The following DLG2 variants were observed in gnomAD, a reference collection of about 807,000 sequenced individuals.
DLG2 encodes the protein disks large homolog 2.
A neutral mutation model predicts 132.5 loss-of-function variants in DLG2; 45 were observed. That is an observed-to-expected ratio of 0.34 (90% CI 0.27 to 0.44). DLG2 has a LOEUF of 0.44. Ranked by LOEUF, DLG2 falls within the 20% of genes least tolerant of loss-of-function variation. The pLI, the probability that DLG2 is intolerant of heterozygous loss-of-function variation, is 1.00. For synonymous variants in DLG2, 424 were observed against 419.6 expected (o/e 1.01, Z -0.13); for missense variants, 1,045 against 1,196.9 (o/e 0.87, Z 1.87).
intron 3 of DLG2, among the ~76,000 whole-genome samples, chr11:85,566,461 G>A (rs1397992866): frequency 6.6e-6 from 1 of 152,082 alleles, no homozygotes; most frequent in Non-Finnish European, 1.5e-5. Flanking sequence ...CCATAGACTG[G>A]GTGGCTTAAA....
chr11:84,465,137 C>G (rs552353142), intron 7 of DLG2, among the ~76,000 whole-genome samples: 2 of 151,306 alleles, frequency 1.3e-5, no homozygotes, highest in East Asian at 3.9e-4. Flanking sequence ...CATGGCTCCA[C>G]AGCAGGACAT....
At chr11:84,211,717 A>G (rs1038353553) in intron 8 of DLG2, among the ~76,000 whole-genome samples, 2 of 152,254 alleles carry the variant, frequency 1.3e-5, no homozygotes, top group Non-Finnish European at 2.9e-5. Context: ...AACTATGTTT[A>G]AAACTATTTT....
chr11:83,651,354 A>G (rs2070341178), intron 18 of DLG2, among the ~76,000 whole-genome samples: 1 of 152,242 alleles, frequency 6.6e-6, no homozygotes. Context: ...ACCATTGTGA[A>G]GATAAATAAG....
At chr11:83,474,934 T>C (rs1416605230) in intron 22 of DLG2, among the ~76,000 whole-genome samples, 1 of 152,158 alleles carries the variant, frequency 6.6e-6, no homozygotes, top group African/African-American at 2.4e-5. Flanking sequence ...TTCAGACAAC[T>C]AGGGCAAAGC....
At chr11:85,016,569 C>A (rs187555462) in intron 6 of DLG2, among the ~76,000 whole-genome samples, 1 of 152,074 alleles carries the variant, frequency 6.6e-6, no homozygotes, top group South Asian at 2.1e-4. Context: ...TGCATCTGGT[C>A]TCTCTCAACT....
intron 6 of DLG2, among the ~76,000 whole-genome samples, chr11:84,965,335 G>A (rs1015028659): frequency 2.0e-5 from 3 of 151,906 alleles, no homozygotes; most frequent in South Asian, 2.1e-4. Flanking sequence ...GATATCAAAT[G>A]TTCTCTTTAG....
intron 17 of DLG2, among the ~76,000 whole-genome samples, chr11:83,832,940 G>T (rs1488440496): frequency 2.0e-5 from 3 of 152,106 alleles, no homozygotes; most frequent in African/African-American, 7.2e-5. Context: ...AAGGTACAGT[G>T]TTTAGAGTAT....
intron 11 of DLG2, among the ~76,000 whole-genome samples, chr11:84,036,384 G>A (rs2095863524): frequency 6.7e-6 from 1 of 149,296 alleles, no homozygotes; most frequent in Admixed American, 6.8e-5. Flanking sequence ...TGAGAAACAA[G>A]GAAAAACAAG....
intron 6 of DLG2, among the ~76,000 whole-genome samples, chr11:84,703,590 T>G (rs1262033673): frequency 6.6e-6 from 1 of 151,348 alleles, no homozygotes; most frequent in Admixed American, 6.6e-5. Context: ...CACTAAACTA[T>G]AGTTTTCTCA....
At chr11:84,943,773 G>C (rs1256689628) in intron 6 of DLG2, among the ~76,000 whole-genome samples, 2 of 152,032 alleles carry the variant, frequency 1.3e-5, no homozygotes, top group African/African-American at 4.8e-5. Context: ...TGAATAGTTT[G>C]TATACCATAA....
intron 19 of DLG2, among the ~76,000 whole-genome samples, chr11:83,566,356 A>G (rs1265166563): frequency 6.6e-6 from 1 of 152,150 alleles, no homozygotes; most frequent in East Asian, 1.9e-4. Flanking sequence ...AATTCTGCCC[A>G]TCTAATCCCA....
intron 6 of DLG2, among the ~76,000 whole-genome samples, chr11:85,054,349 T>C (rs138942575): frequency 6.6e-6 from 1 of 151,622 alleles, no homozygotes; most frequent in Non-Finnish European, 1.5e-5. Flanking sequence ...AGAATGGCTA[T>C]TATTAAAAAG....
rs7952691 is a variant in DLG2, at chr11:84,231,146, C to A, written c.573+20092G>T. On this transcript the variant is annotated intron_variant, in intron 8 of 27. Transcript: ENST00000376104. ...GTGTCCTTAAAGGTGAAGAGCACAA[C>A]CTTCTTATTGTCCCTTCTTACTTCC... Among the ~76,000 whole-genome samples the A allele has an allele frequency of 9.9e-4, 150 of 152,264 alleles. 1 individual carries two copies. The highest frequency in any genetic ancestry group is 3.4e-3 in the Middle Eastern group (1 of 294).
At chr11:85,353,859 G>T (rs1338480513) in intron 3 of DLG2, among the ~76,000 whole-genome samples, 1 of 151,754 alleles carries the variant, frequency 6.6e-6, no homozygotes. Flanking sequence ...GAAGGGGGAG[G>T]GATAGCATTA....
At chr11:85,156,644 C>T (rs2077608143) in intron 4 of DLG2, among the ~76,000 whole-genome samples, 1 of 152,184 alleles carries the variant, frequency 6.6e-6, no homozygotes, top group South Asian at 2.1e-4. Context: ...GACCTGTCCT[C>T]TGATGAGACC....
intron 8 of DLG2, among the ~76,000 whole-genome samples, chr11:84,166,500 C>CAAAAAAAAAAAAAAAAAAAAAA (rs398016937): frequency 9.9e-5 from 8 of 80,924 alleles, no homozygotes; most frequent in South Asian, 1.1e-3. Context: ...GACTCTGCTT[C>CAAAAAAAAAAAAAAAAAAAAAA]AAAAAAAAAA....
At chr11:84,200,720 G>C (rs1055399816) in intron 8 of DLG2, among the ~76,000 whole-genome samples, 7 of 152,044 alleles carry the variant, frequency 4.6e-5, no homozygotes, top group Non-Finnish European at 8.8e-5. Context: ...TTCTGAATGG[G>C]AGTTCATTCA....
chr11:85,307,019 C>A (rs548344608), intron 3 of DLG2, among the ~76,000 whole-genome samples: 3 of 152,080 alleles, frequency 2.0e-5, no homozygotes, highest in Non-Finnish European at 4.4e-5. Flanking sequence ...GCAAAGGCTG[C>A]AAGGAGGGGG....
At chr11:83,838,029 C>T (rs1565280033) in intron 16 of DLG2, among the ~76,000 whole-genome samples, 1 of 152,106 alleles carries the variant, frequency 6.6e-6, no homozygotes, top group Non-Finnish European at 1.5e-5. Context: ...TCCAACAACA[C>T]TGAAGCTCTA....
Sources: allele counts gnomAD v4.1 joint callset (sites outside exome capture counted in the v4.1 genomes callset), GRCh38; gene constraint gnomAD v4.1.1; transcripts MANE v1.5; gene names NCBI Gene and HGNC (gene_info 2026-07-23, HGNC 2026-07-21).